BBOF1: variants seen among roughly 807,000 people sequenced by gnomAD.
The protein encoded by BBOF1 is basal body orientation factor 1, also known as basal body-orientation factor 1.
BBOF1 carries 62 observed loss-of-function variants against 68.0 expected under a neutral mutation model. The ratio of observed to expected loss-of-function variants is 0.91; its 90% CI spans 0.74 to 1.13. BBOF1 has a LOEUF of 1.13. Among genes scored for constraint, BBOF1 ranks in the 50% most tolerant of loss-of-function variants. BBOF1 has a pLI of 0.00. For synonymous variants in BBOF1, 208 were observed against 198.8 expected (o/e 1.05, Z -0.39); for missense variants, 534 against 600.1 (o/e 0.89, Z 1.15).
intron 8 of BBOF1, among the ~76,000 whole-genome samples, chr14:74,051,810 G>A (rs1376710014): frequency 6.6e-6 from 1 of 151,634 alleles, no homozygotes; most frequent in Non-Finnish European, 1.5e-5. Context: ...TGGAACTCCT[G>A]GGCTCAAGTG....
intron 11 of BBOF1, 54 bp downstream of exon 11, chr14:74,057,312 G>A: frequency 6.2e-7 from 1 of 1,610,974 alleles, no homozygotes; most frequent in Non-Finnish European, 8.5e-7. Flanking sequence ...CCTTCCCCAT[G>A]TCGCTTCTTG....
At chr14:74,063,756 C>T (rs1224503706) in intron 11 of BBOF1, among the ~76,000 whole-genome samples, 10 of 150,764 alleles carry the variant, frequency 6.6e-5, no homozygotes, top group Non-Finnish European at 1.5e-4. Context: ...ATCCCAGCTA[C>T]TTGGGAGGCT....
chr14:74,027,814 A>T (rs2059469082), intron 2 of BBOF1, among the ~76,000 whole-genome samples: 1 of 152,122 alleles, frequency 6.6e-6, no homozygotes, highest in Non-Finnish European at 1.5e-5. Context: ...TCTTTTTAAA[A>T]AGTCAATTTA....
In BBOF1 at chr14:74,057,264, G is replaced by A. The variant is rs1181396750; in HGVS notation, c.1578+6G>A. The A allele has an allele frequency of 6.2e-7, 1 of 1,613,998 alleles. No individual in the cohort carries two copies. Among genetic ancestry groups the A allele is most frequent in the South Asian group, 1.1e-5 (1 of 91,084 alleles). ...AACCTCAGGAGTCTGACACAGTAAG[G>A]AGTCTGTATCTAATCAAACAATGTA... On this transcript the variant is annotated splice_donor_region_variant and intron_variant, in intron 11 of 11. Coordinates refer to ENST00000394009, the MANE Select transcript of BBOF1 (RefSeq NM_025057.3).
intron 5 of BBOF1, among the ~76,000 whole-genome samples, chr14:74,044,770 C>T (rs544253086): frequency 6.6e-6 from 1 of 152,172 alleles, no homozygotes; most frequent in Non-Finnish European, 1.5e-5. Flanking sequence ...TACAAAAATA[C>T]AAAAATTAGC....
intron 5 of BBOF1, among the ~76,000 whole-genome samples, chr14:74,044,408 C>T (rs1483183239): frequency 1.3e-5 from 2 of 151,276 alleles, no homozygotes; most frequent in Non-Finnish European, 2.9e-5. Flanking sequence ...ATCAGATTGC[C>T]TGCATATAAA....
intron 9 of BBOF1, chr14:74,074,862 C>T: frequency 4.6e-6 from 6 of 1,304,738 alleles, no homozygotes; most frequent in Non-Finnish European, 6.6e-6. Context: ...GTTTCACATA[C>T]ACTCTGATGA....
At chr14:74,072,749 T>C in intron 9 of BBOF1, 1 of 970,008 alleles carries the variant, frequency 1.0e-6, no homozygotes, top group Non-Finnish European at 1.6e-6. Flanking sequence ...TTTAGAAATG[T>C]TACCACTAGG....
intron 3 of BBOF1, among the ~76,000 whole-genome samples, chr14:74,031,278 A>G (rs1490703871): frequency 6.6e-6 from 1 of 151,874 alleles, no homozygotes; most frequent in Non-Finnish European, 1.5e-5. Flanking sequence ...ACACCTGGCA[A>G]ATTTTTGTAT....
intron 11 of BBOF1, chr14:74,057,704 A>G (rs1439487633): frequency 1.6e-6 from 2 of 1,244,408 alleles, no homozygotes; most frequent in Admixed American, 6.2e-5. Context: ...TGTTATTCAT[A>G]ATTAGTACAA....
At chr14:74,046,805 G>A (rs970922131) in intron 6 of BBOF1, 1 of 152,390 alleles carries the variant, frequency 6.6e-6, no homozygotes, top group African/African-American at 2.4e-5. Context: ...GCATCATCAT[G>A]GTTCACTGCA....
At chr14:74,037,459 AT>A (rs1280451837) in intron 4 of BBOF1, among the ~76,000 whole-genome samples, 6,467 of 126,700 alleles carry the variant, frequency 0.051, 317 homozygotes, top group African/African-American at 0.14. Flanking sequence ...CACCTGGCTA[AT>A]TTTTTTTTTT....
At position 74,065,342 on chromosome 14, in the gene BBOF1, T is replaced by C. The variant is rs2060444101; in HGVS notation, c.*643T>C. The C allele has an allele frequency of 1.9e-6, 3 of 1,613,962 alleles. No individual in the cohort carries two copies. Among genetic ancestry groups the C allele is most frequent in the East Asian group, 2.2e-5 (1 of 44,892 alleles). On this transcript the variant is annotated 3_prime_UTR_variant, in exon 12 of 12. Coordinates refer to ENST00000394009, the MANE Select transcript of BBOF1 (RefSeq NM_025057.3). ...AGAACTGGACCAAAAATCTCCTCTT[T>C]GTAACAGGTCATATTTGGCTGCCAG...
chr14:74,068,025 C>G (rs1027079386), downstream of BBOF1, among the ~76,000 whole-genome samples: 1 of 149,418 alleles, frequency 6.7e-6, no homozygotes, highest in Non-Finnish European at 1.5e-5. Context: ...GAACTTACAG[C>G]CTTACAGCAA....
In BBOF1 at chr14:74,019,354, CCG is replaced by C; in HGVS notation, c.-119_-118del. 7.7e-7 allele frequency: 1 copy of C among 1,301,440 alleles called. No homozygotes were observed. The highest frequency in any genetic ancestry group is 9.9e-7 in the Non-Finnish European group (1 of 1,008,528). The allele number at this position is 1,301,440 out of a possible 1,614,324, so 80.6% of individuals were successfully genotyped here. ...GCTACGTCACGGGCGCGTGCGCTCTCCGCGCGCCGTCAGCGGCGCGGGTGGGG... is the reference window on the plus strand; with the variant it reads ...GCTACGTCACGGGCGCGTGCGCTCTCCGCGCCGTCAGCGGCGCGGGTGGGG... On this transcript the variant is annotated 5_prime_UTR_variant, in exon 1 of 12. Transcript: ENST00000394009.
intron 4 of BBOF1, among the ~76,000 whole-genome samples, chr14:74,037,886 C>T (rs1327035945): frequency 1.3e-5 from 2 of 150,464 alleles, no homozygotes; most frequent in Non-Finnish European, 2.9e-5. Context: ...ACCTGGGAGG[C>T]GGAGGTTGCA....
intron 11 of BBOF1, chr14:74,060,503 G>T (rs2060315567): frequency 1.4e-6 from 1 of 734,680 alleles, no homozygotes; most frequent in South Asian, 1.5e-5. Flanking sequence ...ACTTTGCGGG[G>T]GTTAATAGTC....
At chr14:74,080,168 C>T (rs182565326) in intron 10 of BBOF1, among the ~76,000 whole-genome samples, 10 of 152,258 alleles carry the variant, frequency 6.6e-5, no homozygotes, top group Admixed American at 6.5e-4. Flanking sequence ...AAAGGAGAAA[C>T]CCAGATACTA....
chr14:74,051,967 A>G (rs2139637964), intron 8 of BBOF1, among the ~76,000 whole-genome samples: 1 of 151,858 alleles, frequency 6.6e-6, no homozygotes, highest in South Asian at 2.1e-4. Context: ...GGCTGTTGAG[A>G]AGGTTGGACA....
Sources: gnomAD v4.1 joint callset for allele counts (sites outside exome capture counted in the v4.1 genomes callset) on GRCh38, gnomAD v4.1.1 for gene constraint, MANE v1.5 for transcripts, NCBI Gene and HGNC (gene_info 2026-07-23, HGNC 2026-07-21) for gene names.